The following TFR2 variants were observed in gnomAD, a reference collection of about 807,000 sequenced individuals.
TFR2 encodes the protein transferrin receptor protein 2.
A neutral mutation model predicts 91.9 loss-of-function variants in TFR2; 64 were observed. The observed-to-expected ratio is 0.70, with a 90% CI of 0.57 to 0.86. TFR2 has a LOEUF of 0.86. Among genes scored for constraint, TFR2 ranks in the 40% least tolerant of loss-of-function variants. The pLI is 0.00. For missense variants in TFR2, 950 were observed against 1,080.5 expected (o/e 0.88, Z 1.69); for synonymous variants, 454 against 459.6 (o/e 0.99, Z 0.15).
chr7:100,632,673 C>T (rs1803477985), intron 6 of TFR2: 2 of 359,870 alleles, frequency 5.6e-6, no homozygotes, highest in Admixed American at 4.4e-5. Flanking sequence ...CCGGAGCCTC[C>T]GGAGTAGCTG....
intron 17 of TFR2, chr7:100,626,521 C>G: frequency 7.3e-7 from 1 of 1,369,424 alleles, no homozygotes; most frequent in African/African-American, 1.5e-5. Context: ...CAGGCGTAAA[C>G]CAGGCGACTG....
chr7:100,626,751 G>A lies in TFR2; in HGVS notation c.2136+12C>T. ...GGACACTGGGGGCGGGGCGAGGAGG[G>A]CGGGGCCTCACCCGCATTATGCGCA... On this transcript the variant is annotated intron_variant, in intron 17 of 17. Coordinates refer to ENST00000223051, the MANE Select transcript of TFR2 (RefSeq NM_003227.4). The A allele has an allele frequency of 6.5e-7, 1 of 1,540,900 alleles. No homozygotes were observed. Among genetic ancestry groups the A allele is most frequent in the Non-Finnish European group, 8.7e-7 (1 of 1,146,722 alleles).
Position 100,633,407 on chromosome 7 carries a change from C to T in TFR2, c.614+9G>A. The T allele has an allele frequency of 6.2e-7, 1 of 1,606,952 alleles. No individual in the cohort carries two copies. On this transcript the variant is annotated intron_variant, in intron 4 of 17. Transcript: ENST00000223051. ...TCCCCGCGCGCCCCCCGCCCGCGCG[C>T]GCACTCACGGATCCGGGAATTGCAG...
At chr7:100,634,709 TG>T (rs2131322342) in intron 3 of TFR2, among the ~76,000 whole-genome samples, 1 of 152,318 alleles carries the variant, frequency 6.6e-6, no homozygotes, top group East Asian at 1.9e-4. Flanking sequence ...ACCGGCCACA[TG>T]GACCATCTTT....
chr7:100,630,757 T>G, intron 9 of TFR2, 132 bp downstream of exon 9: 1 of 1,310,280 alleles, frequency 7.6e-7, no homozygotes, highest in Non-Finnish European at 1.1e-6. Flanking sequence ...ACTTGCCAGC[T>G]TCCCTCCTCT....
At chr7:100,628,514 C>G (rs961954071) in intron 10 of TFR2, among the ~76,000 whole-genome samples, 2 of 152,052 alleles carry the variant, frequency 1.3e-5, no homozygotes, top group African/African-American at 2.4e-5. Flanking sequence ...ATCCTCTTGC[C>G]TCAGCCTCCC....
At chr7:100,627,172 C>A in intron 16 of TFR2, 92 bp downstream of exon 16, 22 of 1,413,248 alleles carry the variant, frequency 1.6e-5, no homozygotes, top group Non-Finnish European at 1.9e-5. Context: ...AGGACCTAGA[C>A]CCCAGGGAAT....
chr7:100,633,179 G>A, intron 5 of TFR2, 50 bp downstream of exon 5: 2 of 1,612,868 alleles, frequency 1.2e-6, no homozygotes, highest in Non-Finnish European at 1.7e-6. Context: ...CGAGACCCAG[G>A]AAAGGGCTCG....
At position 100,622,546 on chromosome 7, in the gene TFR2, T is replaced by C. The variant is rs376695991; in HGVS notation, c.2137-1420A>G. On this transcript the variant is annotated intron_variant, in intron 17 of 17. Transcript: ENST00000223051. Reference sequence around the variant, plus strand: ...TCGGCTCTTCCACTTACTAACTATATGATTTCAGGTAAGTTTCTTAGCCTC... The same window carrying C: ...TCGGCTCTTCCACTTACTAACTATACGATTTCAGGTAAGTTTCTTAGCCTC... Among the ~76,000 whole-genome samples the C allele has an allele frequency of 1.2e-4, 19 of 152,330 alleles. No homozygotes were observed. In the East Asian group the frequency reaches 3.5e-3, roughly 28 times the overall value.
intron 3 of TFR2, among the ~76,000 whole-genome samples, chr7:100,638,681 G>A (rs1803627009): frequency 6.6e-6 from 1 of 151,720 alleles, no homozygotes; most frequent in Admixed American, 6.6e-5. Flanking sequence ...AACCTGGGAG[G>A]TGGAGGTTGC....
Position 100,626,814 on chromosome 7 carries a change from C to A in TFR2, c.2085G>T (p.Ser695=). 6.5e-7 allele frequency: 1 copy of A among 1,549,276 alleles called. No homozygotes were observed. Among genetic ancestry groups the A allele is most frequent in the Middle Eastern group, 1.7e-4 (1 of 5,808 alleles). The change falls in exon 17 of 18, where the codon TCG becomes TCT. Residue 695 remains serine (S), a synonymous_variant. Coordinates refer to ENST00000223051, the MANE Select transcript of TFR2 (RefSeq NM_003227.4). Reference sequence around the variant, plus strand: ...GTGTCAGTCGCTCGTCTCTCTCCTCCGAGCTGTAGATCTCCTGCCGCAGCT... The same window carrying A: ...GTGTCAGTCGCTCGTCTCTCTCCTCAGAGCTGTAGATCTCCTGCCGCAGCT... ...AEKLRQEIYS[S]EERDERLTRM...
In TFR2 at chr7:100,627,248, G is replaced by A. The variant is rs1364286181; in HGVS notation, c.1995+16C>T. ...TCCCACTCCCAGAGACCAAGAGCGG[G>A]GTGGGCCTCTTGAACCTTGAGGTCC... On this transcript the variant is annotated intron_variant, in intron 16 of 17. Coordinates refer to ENST00000223051, the MANE Select transcript of TFR2 (RefSeq NM_003227.4). The A allele has an allele frequency of 1.3e-6, 2 of 1,547,508 alleles. 1 individual carries two copies. The highest frequency in any genetic ancestry group is 3.9e-5 in the Admixed American group (2 of 50,972).
chr7:100,632,035 G>A (rs774346392), intron 7 of TFR2, 47 bp downstream of exon 7: 3 of 1,614,012 alleles, frequency 1.9e-6, no homozygotes, highest in East Asian at 2.2e-5. Flanking sequence ...GCAAGAAGGT[G>A]TGGCCTCGGG....
intron 3 of TFR2, chr7:100,640,479 C>G (rs1452341780): frequency 3.2e-6 from 2 of 615,402 alleles, no homozygotes; most frequent in East Asian, 5.6e-5. Context: ...AATATGCCAC[C>G]CTCAGAGCCT....
At chr7:100,629,841 G>C (rs1803379461) in intron 9 of TFR2, among the ~76,000 whole-genome samples, 1 of 152,174 alleles carries the variant, frequency 6.6e-6, no homozygotes, top group African/African-American at 2.4e-5. Flanking sequence ...CACCTCCCGG[G>C]TTCACGCCAT....
At position 100,638,757 on chromosome 7, in the gene TFR2, T is replaced by TA. The variant is rs34071254; in HGVS notation, c.473+1928dup. Among the ~76,000 whole-genome samples, 1,318 of 145,328 alleles carry TA rather than the reference T, an allele frequency of 9.1e-3. 19 individuals are homozygous for TA. The highest frequency in any genetic ancestry group is 0.026 in the African/African-American group (1,039 of 39,850). On this transcript the variant is annotated intron_variant, in intron 3 of 17. Coordinates refer to ENST00000223051, the MANE Select transcript of TFR2 (RefSeq NM_003227.4). ...CAGTGAAACTCTGTCTCAAAAAAAG[T>TA]AAAAAAAAAAAAAATAGCCGGGCAT...
At chr7:100,638,042 C>T (rs1803610652) in intron 3 of TFR2, among the ~76,000 whole-genome samples, 1 of 151,018 alleles carries the variant, frequency 6.6e-6, no homozygotes, top group East Asian at 2.0e-4. Context: ...CTTGCTCTGT[C>T]GCCCAGGCTG....
At chr7:100,632,316 T>A in intron 6 of TFR2, 118 bp from the exon 7 acceptor site, 1 of 953,586 alleles carries the variant, frequency 1.0e-6, no homozygotes, top group Non-Finnish European at 1.7e-6. Context: ...GGAGAGGATG[T>A]GGGGGCACTA....
chr7:100,623,440 C>T (rs1249791999), intron 17 of TFR2, among the ~76,000 whole-genome samples: 1 of 152,118 alleles, frequency 6.6e-6, no homozygotes, highest in Non-Finnish European at 1.5e-5. Flanking sequence ...CTCCCACCTG[C>T]CACTCTCAAG....
Sources: allele counts gnomAD v4.1 joint callset (sites outside exome capture counted in the v4.1 genomes callset), GRCh38; gene constraint gnomAD v4.1.1; transcripts MANE v1.5; gene names NCBI Gene and HGNC (gene_info 2026-07-23, HGNC 2026-07-21).